ORC4: variants seen among roughly 807,000 people sequenced by gnomAD.
ORC4 encodes origin recognition complex subunit 4.
Under a neutral mutation model 63.9 loss-of-function variants are expected in ORC4, and 55 were observed. That is an observed-to-expected ratio of 0.86 (90% CI 0.69 to 1.08). ORC4 has a LOEUF of 1.08. Among genes scored for constraint, ORC4 ranks in the 50% least tolerant of loss-of-function variants. The pLI is 0.00. For missense variants in ORC4, 511 were observed against 504.4 expected, an observed-to-expected ratio of 1.01 and a Z score of -0.13; for synonymous variants, 150 against 168.5, an observed-to-expected ratio of 0.89 and a Z score of 0.85.
At chr2:147,970,483 C>G (rs1175425814) in intron 4 of ORC4, among the ~76,000 whole-genome samples, 1 of 151,910 alleles carries the variant, frequency 6.6e-6, no homozygotes, top group Non-Finnish European at 1.5e-5. Flanking sequence ...TGGCAAAAGA[C>G]AGACAAAGCA....
At chr2:147,979,515 G>C (rs1257675900) in intron 1 of ORC4, among the ~76,000 whole-genome samples, 1 of 151,978 alleles carries the variant, frequency 6.6e-6, no homozygotes, top group Non-Finnish European at 1.5e-5. Context: ...CCTACTACTG[G>C]AAGTGAAGGT....
chr2:147,940,582 A>G (rs1392638534), intron 10 of ORC4, among the ~76,000 whole-genome samples: 1 of 152,048 alleles, frequency 6.6e-6, no homozygotes, highest in African/African-American at 2.4e-5. Context: ...TATATATACT[A>G]TGGATATGGA....
chr2:147,989,887 A>T (rs1330722929), intron 1 of ORC4, among the ~76,000 whole-genome samples: 1 of 152,188 alleles, frequency 6.6e-6, no homozygotes. Flanking sequence ...GAGACTAGAA[A>T]ATATAATTCA....
At chr2:147,977,016 T>C (rs920603233) in intron 1 of ORC4, among the ~76,000 whole-genome samples, 4 of 152,208 alleles carry the variant, frequency 2.6e-5, no homozygotes, top group Admixed American at 1.3e-4. Context: ...TTTTAACAGA[T>C]AGACAGTAAC....
At chr2:147,995,644 C>G (rs1302978030) in intron 1 of ORC4, among the ~76,000 whole-genome samples, 4 of 151,474 alleles carry the variant, frequency 2.6e-5, no homozygotes, top group African/African-American at 9.7e-5. Context: ...GAGGAACAAA[C>G]AACTCCAGAC....
intron 11 of ORC4, 87 bp from the exon 12 acceptor site, chr2:147,938,480 A>T: frequency 1.2e-6 from 1 of 826,460 alleles, no homozygotes; most frequent in Non-Finnish European, 2.1e-6. Flanking sequence ...ATAGTGAAAG[A>T]TCTATGGTTC....
At chr2:148,021,439 A>G, upstream of ORC4, 2 of 562,362 alleles carry the variant, frequency 3.6e-6, no homozygotes, top group South Asian at 3.0e-5. Context: ...GCCTCTTAGC[A>G]ACACAGACCC....
chr2:148,015,307 ATTTTTTTT>A (rs1158861758), intron 1 of ORC4, among the ~76,000 whole-genome samples: 9 of 92,290 alleles, frequency 9.8e-5, no homozygotes, highest in African/African-American at 2.7e-4. Flanking sequence ...TGATATTGGA[ATTTTTTTT>A]TTTTTTTTTT....
At chr2:148,020,750 C>T (rs1314052139), upstream of ORC4, 1 of 152,538 alleles carries the variant, frequency 6.6e-6, no homozygotes, top group Non-Finnish European at 1.5e-5. Flanking sequence ...CGGCATGCCC[C>T]GCGCACGCAC....
At chr2:147,977,612 A>G (rs533162253) in intron 1 of ORC4, among the ~76,000 whole-genome samples, 67 of 152,276 alleles carry the variant, frequency 4.4e-4, no homozygotes, top group African/African-American at 1.5e-3. Context: ...AGATTCCCCA[A>G]CTGTGGTCCA....
rs974294438 is a variant in ORC4 at position 147,968,209 on chromosome 2, G to A, written c.225+4530C>T. ...AAAACTACTAGAAGAAAACATAGGG[G>A]TAATACTTCAGGACACTAGTCTAGG... On this transcript the variant is annotated intron_variant, in intron 4 of 13. Transcript: ENST00000392857. Among the ~76,000 whole-genome samples, 3 of 151,808 alleles carry A rather than the reference G, an allele frequency of 2.0e-5. No individual in the cohort carries two copies. The East Asian group carries it at 5.8e-4, about 30-fold the overall frequency.
At chr2:147,943,791 G>T (rs1344633620) in intron 9 of ORC4, among the ~76,000 whole-genome samples, 3 of 152,060 alleles carry the variant, frequency 2.0e-5, no homozygotes, top group African/African-American at 7.2e-5. Flanking sequence ...TTGAATAAGG[G>T]AAACTACTAC....
At chr2:148,015,436 T>C (rs1400649707) in intron 1 of ORC4, among the ~76,000 whole-genome samples, 1 of 150,418 alleles carries the variant, frequency 6.6e-6, no homozygotes. Context: ...TGCCTCAGCC[T>C]TCTGAGTAGC....
In ORC4 at chr2:147,932,097, T is replaced by C. The variant is rs1003193983; in HGVS notation, c.*3413A>G. On this transcript the variant is annotated 3_prime_UTR_variant, in exon 14 of 14. Transcript: ENST00000392857. The stretch of plus-strand genomic sequence containing the variant: ...AAATCTCCTTAAGCTGATAAGCAAC[T>C]TCAGCAAAGTCTCAGGATACAAAAT... 3.3e-5 allele frequency: 5 copies of C among 151,354 alleles called. No homozygotes were observed. Among genetic ancestry groups the C allele is most frequent in the African/African-American group, 1.2e-4 (5 of 41,240 alleles). 9.4% of individuals were successfully genotyped at this position (151,354 alleles called of 1,614,324 possible).
intron 3 of ORC4, 69 bp downstream of exon 3, chr2:147,973,379 T>C (rs1690337950): frequency 2.2e-6 from 2 of 921,512 alleles, no homozygotes; most frequent in Non-Finnish European, 3.6e-6. Context: ...ATTTGTACAA[T>C]AATTTTTGCA....
chr2:147,977,018 G>A (rs547825749), intron 1 of ORC4, among the ~76,000 whole-genome samples: 3 of 152,150 alleles, frequency 2.0e-5, no homozygotes, highest in Non-Finnish European at 4.4e-5. Context: ...TTAACAGATA[G>A]ACAGTAACAG....
At chr2:148,002,614 T>G (rs997147676) in intron 1 of ORC4, among the ~76,000 whole-genome samples, 2 of 151,934 alleles carry the variant, frequency 1.3e-5, no homozygotes, top group Non-Finnish European at 2.9e-5. Context: ...GCTAAAGCAG[T>G]GTGTAGAGGG....
intron 10 of ORC4, among the ~76,000 whole-genome samples, chr2:147,940,669 TAC>T (rs1043781929): frequency 3.9e-5 from 6 of 151,994 alleles, no homozygotes; most frequent in African/African-American, 7.2e-5. Flanking sequence ...CTATGGATAC[TAC>T]ACAGTCATAA....
chr2:147,976,025 T>C lies in ORC4; in HGVS notation c.-17-50A>G, dbSNP rs966954258. Reference sequence around the variant, plus strand: ...TATAAACGTAGTGACTTAAAGAGATTACTTAAGAATTTACTGTTCTAGAAT... The same window carrying C: ...TATAAACGTAGTGACTTAAAGAGATCACTTAAGAATTTACTGTTCTAGAAT... On this transcript the variant is annotated intron_variant, in intron 1 of 13. Transcript: ENST00000392857. The C allele has an allele frequency of 3.6e-5, 33 of 910,440 alleles. No individual in the cohort carries two copies. The African/African-American group carries it at 4.1e-4, about 11-fold the overall frequency. The allele number at this position is 910,440 out of a possible 1,614,324, so 56.4% of individuals were successfully genotyped here. A position where few individuals can be genotyped will look rare whatever the true frequency, so the allele number is the denominator to read the frequency against.
Sources: allele counts gnomAD v4.1 joint callset (sites outside exome capture counted in the v4.1 genomes callset), GRCh38; gene constraint gnomAD v4.1.1; transcripts MANE v1.5; gene names NCBI Gene and HGNC (gene_info 2026-07-23, HGNC 2026-07-21).